KCNH2: variants seen among roughly 807,000 people sequenced by gnomAD.
The protein encoded by KCNH2 is potassium voltage-gated channel subfamily H member 2.
In KCNH2, 35 loss-of-function variants were observed where a neutral mutation model predicts 95.9. The ratio of observed to expected loss-of-function variants is 0.37; its 90% CI spans 0.28 to 0.48. The LOEUF is 0.48. Among genes scored for constraint, KCNH2 ranks in the 20% least tolerant of loss-of-function variants. KCNH2 has a pLI of 0.99. For synonymous variants in KCNH2, 786 were observed against 754.7 expected (o/e 1.04, Z -0.68); for missense variants, 1,274 against 1,702.9 (o/e 0.75, Z 4.43).
At chr7:150,960,899 G>A (rs1215644448) in intron 2 of KCNH2, among the ~76,000 whole-genome samples, 3 of 137,416 alleles carry the variant, frequency 2.2e-5, no homozygotes, top group African/African-American at 8.2e-5. Context: ...GATTTCTGAA[G>A]GAGCCCCTTT....
rs1584868152 is a variant in KCNH2, at chr7:150,959,897, T to C, written c.308-161A>G. ...CCCGTCCTGATCCCCCACCCGGCCA[T>C]GTGCCTGCCGCCCTTATGGCTCCCC... On this transcript the variant is annotated intron_variant, in intron 2 of 14. Coordinates refer to ENST00000262186, the MANE Select transcript of KCNH2 (RefSeq NM_000238.4). The C allele has an allele frequency of 1.1e-5, 9 of 814,780 alleles. 1 individual carries two copies. Among genetic ancestry groups the C allele is most frequent in the South Asian group, 8.9e-5 (6 of 67,630 alleles). 50.5% of individuals were successfully genotyped at this position (814,780 alleles called of 1,614,324 possible).
Position 150,951,098 on chromosome 7 carries a change from G to A in KCNH2, c.1968C>T (p.Phe656=), listed in dbSNP as rs1238904019. 1.4e-5 allele frequency: 22 copies of A among 1,611,810 alleles called. No individual in the cohort carries two copies. Among genetic ancestry groups the A allele is most frequent in the Admixed American group, 3.3e-5 (2 of 59,992 alleles). Residue 656 remains phenylalanine, a synonymous_variant, in exon 8 of 15, where the codon TTC becomes TTT. Transcript: ENST00000262186. The part of the protein sequence containing the change: ...LIGSLMYASI[F]GNVSAIIQRL... ...GCTGGATGATGGCCGACACGTTGCC[G>A]AAGATGCTAGCATACATGAGGGCTG...
chr7:150,977,888 G>T lies in KCNH2; in HGVS notation c.26C>A (p.Ala9Glu). ...GGTGTCCAGGAAGGTGTTCTGCGGC[G>T]CGACGTGGCCCCTCCGCACCGGCAT... MPVRRGHV[A>E]PQNTFLDTII... Residue 9 changes from alanine (A) to glutamate (E), a missense_variant, in exon 1 of 15, where the codon GCG (alanine) becomes GAG (glutamate). By Grantham distance (107) the Ala-to-Glu change is moderately radical (BLOSUM62 -1). Around this residue, in one of 7 missense-constraint regions of KCNH2, gnomAD observed 29 missense variants for 25.2 expected, o/e 1.15. Coordinates refer to ENST00000262186, the MANE Select transcript of KCNH2 (RefSeq NM_000238.4). 6.2e-7 allele frequency: 1 copy of T among 1,605,520 alleles called. No individual in the cohort carries two copies.
rs41307307 is a variant in KCNH2, at chr7:150,955,217, G to A, written c.1128+2074C>T. 1.0e-3 allele frequency among the ~76,000 whole-genome samples: 158 copies of A among 152,374 alleles called. 3 individuals carry two copies. In the East Asian group the frequency reaches 0.022, roughly 21 times the overall value. ...CAGCAACGGAAACTCTGTAAGCCCA[G>A]CCTGGGAGGGAATGAGAACAGGAGC... is the stretch of plus-strand genomic sequence containing the variant. On this transcript the variant is annotated intron_variant, in intron 5 of 14. Transcript: ENST00000262186.
At position 150,947,342 on chromosome 7, in the gene KCNH2, C is replaced by A. The variant is rs1367829679; in HGVS notation, c.3138G>T (p.Gln1046His). Residue 1046 changes from glutamine to histidine, a missense_variant, in exon 13 of 15, where the codon CAG (glutamine) becomes CAT (histidine). Transcript: ENST00000262186. ...GDVESRLDAL[Q>H]RQLNRLETRL... Reference sequence around the variant, plus strand: ...CACTCCCTCACCTGTTGAGCTGGCGCTGGAGGGCATCCAGCCTGCTCTCCA... The same window carrying A: ...CACTCCCTCACCTGTTGAGCTGGCGATGGAGGGCATCCAGCCTGCTCTCCA... The A allele has an allele frequency of 6.5e-7, 1 of 1,543,402 alleles. No individual in the cohort carries two copies. The highest frequency in any genetic ancestry group is 1.2e-5 in the South Asian group (1 of 83,916).
rs1290199824 is a variant in KCNH2 at position 150,961,673 on chromosome 7, G to A, written c.308-1937C>T. 4.6e-5 allele frequency among the ~76,000 whole-genome samples: 7 copies of A among 152,166 alleles called. No homozygotes were observed. Among genetic ancestry groups the A allele is most frequent in the Non-Finnish European group, 5.9e-5 (4 of 68,024 alleles). ...CTGATCTCAAACCCACAGCAGGGGC[G>A]ACAGTGGTGGTGCTGTGAGTCAAGG... On this transcript the variant is annotated intron_variant, in intron 2 of 14. Transcript: ENST00000262186. This position sits in a 1 kb window ranked among gnomAD's most constrained non-coding sequence, Gnocchi z 6.2.
At chr7:150,965,066 G>A (rs145344113) in intron 2 of KCNH2, among the ~76,000 whole-genome samples, 3 of 151,602 alleles carry the variant, frequency 2.0e-5, no homozygotes, top group Non-Finnish European at 4.4e-5. Flanking sequence ...GTGTGTGTGC[G>A]CGCGTGTGTG....
Position 150,955,515 on chromosome 7 carries a change from C to A in KCNH2, c.1128+1776G>T, listed in dbSNP as rs774570952. On this transcript the variant is annotated intron_variant, in intron 5 of 14. Coordinates refer to ENST00000262186, the MANE Select transcript of KCNH2 (RefSeq NM_000238.4). Reference sequence around the variant, plus strand: ...GCTGGGGCCGCCATGGAGGACTTGGCTCCCTGCAGCCTGCCTGCCCTGGGG... The same window carrying A: ...GCTGGGGCCGCCATGGAGGACTTGGATCCCTGCAGCCTGCCTGCCCTGGGG... 1.6e-5 allele frequency: 25 copies of A among 1,539,700 alleles called. No homozygotes were observed. In the East Asian group the frequency reaches 4.7e-4, roughly 29 times the overall value.
chr7:150,950,791 G>A (rs1291544700), intron 8 of KCNH2, 130 bp downstream of exon 8: 2 of 968,798 alleles, frequency 2.1e-6, no homozygotes, highest in Non-Finnish European at 3.2e-6. Context: ...GCAAAAAGGG[G>A]CAACGTGCCT....
intron 5 of KCNH2, among the ~76,000 whole-genome samples, chr7:150,956,728 C>T (rs1400665779): frequency 6.6e-6 from 1 of 152,200 alleles, no homozygotes; most frequent in African/African-American, 2.4e-5. Flanking sequence ...ACTTGCTTCT[C>T]CCATGCTTTA....
chr7:150,951,594 C>T lies in KCNH2; in HGVS notation c.1799G>A (p.Ser600Asn), dbSNP rs1801166313. ...CTTGATGGAGGGGCCGCCCAGGCCG[C>T]TGCTGTTGTAGGGTTTGCCTATCTG... ...GDQIGKPYNSSGLGGPSIKDK... is the reference protein window; with the variant it reads ...GDQIGKPYNSNGLGGPSIKDK... The change falls in exon 7 of 15, where the codon AGC becomes AAC. Residue 600 changes from serine to asparagine, a missense_variant. Transcript: ENST00000262186. The T allele has an allele frequency of 6.2e-7, 1 of 1,614,200 alleles. No individual in the cohort carries two copies. The highest frequency in any genetic ancestry group is 1.7e-5 in the Admixed American group (1 of 60,032).
At chr7:150,949,129 AC>A in intron 9 of KCNH2, 80 bp from the exon 10 acceptor site, 2 of 1,313,602 alleles carry the variant, frequency 1.5e-6, no homozygotes, top group Admixed American at 1.9e-5. Flanking sequence ...CGGCATCCCC[AC>A]CCCGGGCAGA....
intron 5 of KCNH2, chr7:150,955,871 G>C: frequency 1.0e-6 from 1 of 973,240 alleles, no homozygotes; most frequent in South Asian, 4.8e-5. Flanking sequence ...GCCACACTAG[G>C]CTCCCCCGCC....
At position 150,955,825 on chromosome 7, in the gene KCNH2, C is replaced by T. The variant is rs561276000; in HGVS notation, c.1128+1466G>A. Reference sequence around the variant, plus strand: ...CACTCGGAACCTCAGCTCCTCCAGCCGGCCCCTCCTTCTACCAGGTCCCCA... The same window carrying T: ...CACTCGGAACCTCAGCTCCTCCAGCTGGCCCCTCCTTCTACCAGGTCCCCA... On this transcript the variant is annotated intron_variant, in intron 5 of 14. Coordinates refer to ENST00000262186, the MANE Select transcript of KCNH2 (RefSeq NM_000238.4). The T allele has an allele frequency of 3.3e-5, 36 of 1,106,554 alleles. 1 individual carries two copies. In the South Asian group the frequency reaches 1.3e-3, roughly 41 times the overall value. The allele number at this position is 1,106,554 out of a possible 1,614,324, so 68.5% of individuals were successfully genotyped here.
chr7:150,945,554 G>A lies in KCNH2; in HGVS notation c.3331-40C>T, dbSNP rs777576668. ...GAGCATGGGCAGGCGAAGAGGCCAT[G>A]GAGGAGGAGGAAGGGGAGGGAAAGG... On this transcript the variant is annotated intron_variant, in intron 14 of 14. Transcript: ENST00000262186. This position sits in a 1 kb window ranked among gnomAD's most constrained non-coding sequence, Gnocchi z 5.6. 5.2e-6 allele frequency: 8 copies of A among 1,550,806 alleles called. No individual in the cohort carries two copies. In the African/African-American group the frequency reaches 6.8e-5, roughly 13 times the overall value.
rs560837333 is a variant in KCNH2 at position 150,945,186 on chromosome 7, T to G, written c.*179A>C. 1.1e-5 allele frequency: 8 copies of G among 699,862 alleles called. No homozygotes were observed. The highest frequency in any genetic ancestry group is 1.9e-5 in the Non-Finnish European group (8 of 430,890). The allele number at this position is 699,862 out of a possible 1,614,324, so 43.4% of individuals were successfully genotyped here. The stretch of plus-strand genomic sequence containing the variant: ...CTACTGCCGGCCCTGCCCCTGCCCC[T>G]CTCACTGGGGCCCAGGGGACTGCAG... On this transcript the variant is annotated 3_prime_UTR_variant, in exon 15 of 15. Coordinates refer to ENST00000262186, the MANE Select transcript of KCNH2 (RefSeq NM_000238.4). The surrounding 1 kb of genome is among the most constrained non-coding windows in gnomAD (Gnocchi z 5.6).
rs115564829 is a variant in KCNH2, at chr7:150,970,419, C to T, written c.307+4292G>A. Among the ~76,000 whole-genome samples the T allele has an allele frequency of 4.0e-3, 607 of 152,050 alleles. 1 individual carries two copies. Among genetic ancestry groups the T allele is most frequent in the African/African-American group, 0.014 (580 of 41,522 alleles). On this transcript the variant is annotated intron_variant, in intron 2 of 14. Coordinates refer to ENST00000262186, the MANE Select transcript of KCNH2 (RefSeq NM_000238.4). ...TGCAGAAGACGCAACACGGAGAAGC[C>T]GCTCTCCCGACGCTCTCCAGACCCC...
chr7:150,949,176 C>A (rs536482395), intron 9 of KCNH2, 127 bp from the exon 10 acceptor site: 2 of 1,110,134 alleles, frequency 1.8e-6, no homozygotes, highest in South Asian at 1.5e-5. Flanking sequence ...GCCAGCCGGC[C>A]CCCAACCCAC....
intron 5 of KCNH2, among the ~76,000 whole-genome samples, chr7:150,956,455 T>C (rs1801379442): frequency 6.6e-6 from 1 of 152,106 alleles, no homozygotes. Flanking sequence ...TCCTCCACAT[T>C]ATCCCAGGCT....
Sources: gnomAD v4.1 joint callset for allele counts (sites outside exome capture counted in the v4.1 genomes callset) on GRCh38, gnomAD v4.1.1 for gene constraint, gnomAD v4.1.1 regional missense constraint, Gnocchi (gnomAD v3.1) non-coding constraint, MANE v1.5 for transcripts, NCBI Gene and HGNC (gene_info 2026-07-23, HGNC 2026-07-21) for gene names.